The following MEI4 variants were observed in gnomAD, a reference collection of about 807,000 sequenced individuals.
MEI4 encodes the protein meiosis-specific protein MEI4.
In MEI4, 27 loss-of-function variants were observed where a neutral mutation model predicts 31.4. The observed-to-expected ratio is 0.86, with a 90% CI of 0.63 to 1.19. MEI4 has a LOEUF of 1.19. Among genes scored for constraint, MEI4 ranks in the 50% most tolerant of loss-of-function variants. MEI4 has a pLI of 0.00. For missense variants in MEI4, 329 were observed against 398.9 expected (o/e 0.82, Z 1.49); for synonymous variants, 122 against 145.4 (o/e 0.84, Z 1.16).
chr6:77,741,305 G>C (rs986962122), intron 2 of MEI4, among the ~76,000 whole-genome samples: 5 of 152,172 alleles, frequency 3.3e-5, no homozygotes, highest in Admixed American at 2.6e-4. Context: ...ACTCTGTCCT[G>C]TAAGGTATGG....
chr6:77,733,820 A>T (rs1170458170), intron 2 of MEI4, among the ~76,000 whole-genome samples: 1 of 151,964 alleles, frequency 6.6e-6, no homozygotes, highest in African/African-American at 2.4e-5. Context: ...AGATTCTGGT[A>T]TGTTGTATGT....
intron 4 of MEI4, among the ~76,000 whole-genome samples, chr6:77,846,442 T>C (rs112706083): frequency 9.6e-4 from 146 of 152,294 alleles, no homozygotes; most frequent in Non-Finnish European, 1.6e-3. Context: ...TTCTCGTTTC[T>C]TTAGTAAGTT....
chr6:77,736,484 T>C (rs1373367478), intron 2 of MEI4, among the ~76,000 whole-genome samples: 4 of 152,084 alleles, frequency 2.6e-5, no homozygotes, highest in African/African-American at 9.7e-5. Context: ...TGCCTCGCCC[T>C]GCTTCGGCTT....
intron 2 of MEI4, among the ~76,000 whole-genome samples, chr6:77,735,860 C>T (rs953900682): frequency 2.2e-4 from 33 of 152,026 alleles, no homozygotes; most frequent in African/African-American, 7.0e-4. Context: ...ACAGACAGGA[C>T]CCTCAGCTGC....
intron 3 of MEI4, among the ~76,000 whole-genome samples, chr6:77,783,804 C>A (rs754018553): frequency 5.3e-5 from 8 of 152,110 alleles, no homozygotes; most frequent in Middle Eastern, 3.4e-3. Flanking sequence ...CAAATCAGAA[C>A]ATTTGAACAG....
chr6:77,858,198 A>G (rs1460134640), intron 4 of MEI4, among the ~76,000 whole-genome samples: 1 of 152,194 alleles, frequency 6.6e-6, no homozygotes, highest in African/African-American at 2.4e-5. Flanking sequence ...GAAGAAAGAA[A>G]TAATTTGACT....
intron 3 of MEI4, among the ~76,000 whole-genome samples, chr6:77,799,894 G>A (rs1477193251): frequency 6.6e-6 from 1 of 152,136 alleles, no homozygotes; most frequent in African/African-American, 2.4e-5. Context: ...TTTGGTTACT[G>A]TAGCCTTGTA....
At chr6:77,785,047 C>T (rs17777705) in intron 3 of MEI4, among the ~76,000 whole-genome samples, 25,687 of 152,028 alleles carry the variant, frequency 0.17, 2,763 homozygotes, top group Non-Finnish European at 0.23. Flanking sequence ...GAAATTTCCC[C>T]GTCAGCTAAT....
At chr6:77,670,185 C>T (rs12664089) in intron 1 of MEI4, among the ~76,000 whole-genome samples, 12,537 of 151,980 alleles carry the variant, frequency 0.082, 708 homozygotes, top group East Asian at 0.22. Context: ...TTGACTTCTG[C>T]TTTCGGAGAA....
intron 2 of MEI4, among the ~76,000 whole-genome samples, chr6:77,751,286 T>A (rs1211346566): frequency 2.0e-5 from 3 of 150,832 alleles, no homozygotes; most frequent in Non-Finnish European, 4.4e-5. Context: ...CTGAAGGAGA[T>A]AGAAACACAC....
intron 4 of MEI4, among the ~76,000 whole-genome samples, chr6:77,863,976 A>C (rs1582228902): frequency 2.0e-5 from 3 of 152,294 alleles, no homozygotes; most frequent in Admixed American, 2.0e-4. Flanking sequence ...TATCCAGCCA[A>C]ACTAAGCTTC....
intron 2 of MEI4, among the ~76,000 whole-genome samples, chr6:77,752,548 C>A (rs994421270): frequency 2.6e-5 from 4 of 152,110 alleles, no homozygotes; most frequent in Admixed American, 2.6e-4. Context: ...ATACAACTTA[C>A]AAGGGATGTG....
intron 4 of MEI4, among the ~76,000 whole-genome samples, chr6:77,860,639 C>T (rs1217539897): frequency 3.3e-5 from 5 of 151,864 alleles, no homozygotes; most frequent in African/African-American, 9.7e-5. Flanking sequence ...TTTATGTCTC[C>T]CTAGCCATAT....
At chr6:77,759,535 C>A (rs180751343) in intron 2 of MEI4, among the ~76,000 whole-genome samples, 1 of 152,108 alleles carries the variant, frequency 6.6e-6, no homozygotes, top group Non-Finnish European at 1.5e-5. Context: ...TCTTCTAAGC[C>A]ATTTCTTTTA....
At chr6:77,812,774 T>C (rs1769605596) in intron 3 of MEI4, among the ~76,000 whole-genome samples, 1 of 152,130 alleles carries the variant, frequency 6.6e-6, no homozygotes, top group Non-Finnish European at 1.5e-5. Context: ...GGTGAAACCA[T>C]GTGGGCTGTT....
intron 4 of MEI4, among the ~76,000 whole-genome samples, chr6:77,868,883 C>T (rs1156342338): frequency 1.3e-5 from 2 of 151,988 alleles, no homozygotes; most frequent in African/African-American, 2.4e-5. Flanking sequence ...ACAGCCTGGT[C>T]ACTGAAGTAG....
chr6:77,880,598 A>G (rs918836764), intron 4 of MEI4, among the ~76,000 whole-genome samples: 1 of 152,216 alleles, frequency 6.6e-6, no homozygotes, highest in African/African-American at 2.4e-5. Flanking sequence ...AGCAGAAAGA[A>G]CAGAAAGTCA....
intron 3 of MEI4, among the ~76,000 whole-genome samples, chr6:77,814,052 A>T (rs538595334): frequency 5.3e-5 from 8 of 152,128 alleles, no homozygotes; most frequent in African/African-American, 1.9e-4. Context: ...AACCATCAGT[A>T]TACACCTCCA....
chr6:77,867,291 T>C (rs1771059708), intron 4 of MEI4, among the ~76,000 whole-genome samples: 1 of 152,172 alleles, frequency 6.6e-6, no homozygotes, highest in African/African-American at 2.4e-5. Context: ...ACAGGCAACC[T>C]ACAGAATGGG....
Sources: gnomAD v4.1 joint callset for allele counts (sites outside exome capture counted in the v4.1 genomes callset) on GRCh38, gnomAD v4.1.1 for gene constraint, MANE v1.5 for transcripts, NCBI Gene and HGNC (gene_info 2026-07-23, HGNC 2026-07-21) for gene names.